Variants in CCDC7 observed in about 807,000 individuals in gnomAD.
The protein encoded by CCDC7 is coiled-coil domain containing 7, also known as coiled-coil domain-containing protein 7.
In CCDC7, 183 loss-of-function variants were observed where a neutral mutation model predicts 196.9. The ratio of observed to expected loss-of-function variants is 0.93; its 90% CI spans 0.82 to 1.05. CCDC7 has a LOEUF of 1.05. Among genes scored for constraint, CCDC7 ranks in the 50% least tolerant of loss-of-function variants. The pLI, the probability that CCDC7 is intolerant of heterozygous loss-of-function variation, is 0.00. For synonymous variants in CCDC7, 525 were observed against 484.6 expected, an observed-to-expected ratio of 1.08 and a Z score of -1.10; for missense variants, 1,540 against 1,482.2, an observed-to-expected ratio of 1.04 and a Z score of -0.64.
chr10:32,576,163 A>G (rs1470635227), intron 16 of CCDC7, among the ~76,000 whole-genome samples: 1 of 152,154 alleles, frequency 6.6e-6, no homozygotes, highest in East Asian at 1.9e-4. Context: ...ATGATAGTTC[A>G]GTGGGGACCC....
At chr10:32,664,589 C>T (rs1393054669) in intron 21 of CCDC7, among the ~76,000 whole-genome samples, 3 of 152,006 alleles carry the variant, frequency 2.0e-5, no homozygotes, top group African/African-American at 7.2e-5. Context: ...TAAGATAATG[C>T]AGTATTTGTT....
At chr10:32,519,837 A>AT (rs1329990230) in intron 11 of CCDC7, among the ~76,000 whole-genome samples, 2 of 151,860 alleles carry the variant, frequency 1.3e-5, no homozygotes, top group Admixed American at 1.3e-4. Context: ...TTCCAACTAC[A>AT]TTTTTTGTAC....
At chr10:32,681,369 C>T (rs2141030478) in intron 21 of CCDC7, among the ~76,000 whole-genome samples, 1 of 152,276 alleles carries the variant, frequency 6.6e-6, no homozygotes, top group South Asian at 2.1e-4. Context: ...CACTACTTCA[C>T]ACCATAGGTG....
chr10:32,667,967 C>T (rs1377521178), intron 21 of CCDC7, among the ~76,000 whole-genome samples: 3 of 151,948 alleles, frequency 2.0e-5, no homozygotes, highest in Admixed American at 6.6e-5. Flanking sequence ...GGCAGTATGG[C>T]CATTTTCACG....
chr10:32,719,819 A>T (rs1041147973), intron 25 of CCDC7, among the ~76,000 whole-genome samples: 11 of 152,236 alleles, frequency 7.2e-5, no homozygotes, highest in African/African-American at 2.7e-4. Flanking sequence ...CCACAATGAG[A>T]TACCATCTCA....
At chr10:32,445,833 G>A (rs914773992), upstream of CCDC7, among the ~76,000 whole-genome samples, 2 of 152,300 alleles carry the variant, frequency 1.3e-5, no homozygotes, top group South Asian at 4.1e-4. Flanking sequence ...CTGGGGCTCT[G>A]GTTTTGTAGC....
intron 16 of CCDC7, among the ~76,000 whole-genome samples, chr10:32,574,237 G>A (rs1424434371): frequency 1.3e-5 from 2 of 151,106 alleles, no homozygotes; most frequent in East Asian, 3.9e-4. Context: ...GGAAATATGA[G>A]ATGAAATAGG....
intron 13 of CCDC7, among the ~76,000 whole-genome samples, chr10:32,557,511 C>A (rs937137893): frequency 1.3e-5 from 2 of 151,946 alleles, no homozygotes; most frequent in African/African-American, 2.4e-5. Flanking sequence ...CCACAGTTGC[C>A]TCAGTATCTG....
chr10:32,783,195 C>G (rs2081318391), intron 29 of CCDC7, among the ~76,000 whole-genome samples: 1 of 152,064 alleles, frequency 6.6e-6, no homozygotes, highest in Non-Finnish European at 1.5e-5. Flanking sequence ...CTTTTGTCAT[C>G]AAAAGACAGT....
intron 41 of CCDC7, among the ~76,000 whole-genome samples, chr10:32,864,257 GAGAA>G (rs2094124217): frequency 6.6e-6 from 1 of 151,570 alleles, no homozygotes; most frequent in South Asian, 2.1e-4. Flanking sequence ...GGGGAGAGGA[GAGAA>G]AGAAAGAGAA....
chr10:32,771,497 G>A (rs1363277801), intron 28 of CCDC7, among the ~76,000 whole-genome samples: 1 of 152,172 alleles, frequency 6.6e-6, no homozygotes, highest in Non-Finnish European at 1.5e-5. Context: ...GAAATCTGCT[G>A]TTAGTCTGAT....
chr10:32,744,324 G>A (rs1186085146), intron 28 of CCDC7, among the ~76,000 whole-genome samples: 1 of 140,526 alleles, frequency 7.1e-6, no homozygotes, highest in Non-Finnish European at 1.5e-5. Flanking sequence ...TACCGTAGCA[G>A]AAAATACTGT....
chr10:32,869,202 T>C lies in CCDC7; in HGVS notation c.4112-7145T>C, dbSNP rs557344609. Among the ~76,000 whole-genome samples, 26 of 152,080 alleles carry C rather than the reference T, an allele frequency of 1.7e-4. No individual in the cohort carries two copies. The South Asian group carries it at 2.3e-3, about 13-fold the overall frequency. On this transcript the variant is annotated intron_variant, in intron 41 of 41. Coordinates refer to ENST00000639629, the Ensembl canonical transcript of CCDC7. The stretch of plus-strand genomic sequence containing the variant: ...TCCCACCAGCAGTGTAAAAGTGTTC[T>C]TATTTCTCCACATCCTCTCCAGCAC...
At chr10:32,756,372 C>A (rs1439930250) in intron 28 of CCDC7, among the ~76,000 whole-genome samples, 1 of 152,200 alleles carries the variant, frequency 6.6e-6, no homozygotes, top group South Asian at 2.1e-4. Context: ...GTCGCGTTAC[C>A]CACAAAGGGA....
intron 11 of CCDC7, among the ~76,000 whole-genome samples, chr10:32,538,144 T>A (rs1262088858): frequency 6.6e-6 from 1 of 152,204 alleles, no homozygotes; most frequent in Non-Finnish European, 1.5e-5. Context: ...TTTTCCCATT[T>A]TTTTGTGTCA....
rs114237215 is a variant in CCDC7 at position 32,526,216 on chromosome 10, G to T, written c.993+7711G>T. 1.2e-3 allele frequency among the ~76,000 whole-genome samples: 178 copies of T among 152,328 alleles called. 1 individual carries two copies. The highest frequency in any genetic ancestry group is 4.1e-3 in the African/African-American group (171 of 41,572). On this transcript the variant is annotated intron_variant, in intron 11 of 41. Transcript: ENST00000639629. Reference sequence around the variant, plus strand: ...CCACAAATGGGTCATGAGGGCTTCTGCCTGTACACACCGTTGATGCTGACT... The same window carrying T: ...CCACAAATGGGTCATGAGGGCTTCTTCCTGTACACACCGTTGATGCTGACT...
intron 20 of CCDC7, among the ~76,000 whole-genome samples, chr10:32,654,830 T>C (rs1251015538): frequency 1.3e-5 from 2 of 152,234 alleles, no homozygotes; most frequent in Admixed American, 6.5e-5. Context: ...GTTTTGTCTA[T>C]TAGATTCCCT....
At chr10:32,444,453 G>T (rs536346181), upstream of CCDC7, among the ~76,000 whole-genome samples, 5 of 152,266 alleles carry the variant, frequency 3.3e-5, no homozygotes, top group African/African-American at 1.2e-4. Flanking sequence ...GTGAACTTTT[G>T]GCTAGACTCA....
intron 24 of CCDC7, among the ~76,000 whole-genome samples, chr10:32,704,575 G>T (rs532661450): frequency 6.6e-6 from 1 of 152,238 alleles, no homozygotes; most frequent in East Asian, 1.9e-4. Context: ...GGTTTCTACT[G>T]CCTTTTGTTT....
Sources: allele counts gnomAD v4.1 joint callset (sites outside exome capture counted in the v4.1 genomes callset), GRCh38; gene constraint gnomAD v4.1.1; transcripts MANE v1.5; gene names NCBI Gene and HGNC (gene_info 2026-07-23, HGNC 2026-07-21).